The following HCN1 variants were observed in gnomAD, a reference collection of about 807,000 sequenced individuals.
HCN1 encodes hyperpolarization activated cyclic nucleotide gated potassium channel 1, also known as potassium/sodium hyperpolarization-activated cyclic nucleotide-gated channel 1.
A neutral mutation model predicts 78.9 loss-of-function variants in HCN1; 13 were observed. The observed-to-expected ratio is 0.16, with a 90% CI of 0.11 to 0.26. The LOEUF (loss-of-function observed/expected upper bound fraction) is 0.26. Ranked by LOEUF, HCN1 falls within the 10% of genes least tolerant of loss-of-function variation. The probability of loss-of-function intolerance (pLI) is 1.00; values close to 1 mark genes in which losing one functional copy is unlikely to be tolerated. For missense variants in HCN1, 810 were observed against 1,154.3 expected (o/e 0.70, Z 4.32); for synonymous variants, 552 against 455.5 (o/e 1.21, Z -2.70).
rs567759879 is a variant in HCN1 at position 45,666,608 on chromosome 5, T to G, written c.426-21000A>C. ...ATACATAAAATATTTTGTATTTTTG[T>G]ATGTATGTGGATAATTGTTTTTAAA... On this transcript the variant is annotated intron_variant, in intron 1 of 7. Coordinates refer to ENST00000303230, the MANE Select transcript of HCN1 (RefSeq NM_021072.4). Among the ~76,000 whole-genome samples, 6 of 152,194 alleles carry G rather than the reference T, an allele frequency of 3.9e-5. No individual in the cohort carries two copies. In the East Asian group the frequency reaches 1.2e-3, roughly 29 times the overall value.
intron 1 of HCN1, among the ~76,000 whole-genome samples, chr5:45,669,725 A>G: frequency 6.6e-6 from 1 of 151,794 alleles, no homozygotes; most frequent in East Asian, 1.9e-4. Context: ...TCATGCAAAG[A>G]TAGGTTAGCA....
chr5:45,415,930 T>C (rs535892580), intron 3 of HCN1, among the ~76,000 whole-genome samples: 4 of 152,170 alleles, frequency 2.6e-5, no homozygotes, highest in African/African-American at 7.2e-5. Flanking sequence ...TGTTTGATAA[T>C]GTACCTTAAG....
At chr5:45,490,075 G>T (rs1314958131) in intron 2 of HCN1, among the ~76,000 whole-genome samples, 1 of 152,202 alleles carries the variant, frequency 6.6e-6, no homozygotes, top group East Asian at 1.9e-4. Flanking sequence ...GCATCTTTAC[G>T]TATAGAAATT....
At chr5:45,588,557 G>A (rs936368977) in intron 2 of HCN1, among the ~76,000 whole-genome samples, 4 of 152,000 alleles carry the variant, frequency 2.6e-5, no homozygotes, top group Non-Finnish European at 4.4e-5. Context: ...TCTAAATGCC[G>A]ACACCCTACT....
At chr5:45,591,241 A>G (rs1744359115) in intron 2 of HCN1, among the ~76,000 whole-genome samples, 1 of 152,170 alleles carries the variant, frequency 6.6e-6, no homozygotes, top group Admixed American at 6.5e-5. Flanking sequence ...ATTTGTGTGC[A>G]GATTTTTGCA....
At chr5:45,333,513 G>T (rs909896803) in intron 5 of HCN1, among the ~76,000 whole-genome samples, 1 of 151,432 alleles carries the variant, frequency 6.6e-6, no homozygotes, top group Admixed American at 6.6e-5. Context: ...GTCCATTTTT[G>T]CTTTCGTTAC....
intron 1 of HCN1, among the ~76,000 whole-genome samples, chr5:45,679,585 G>A (rs556959268): frequency 4.6e-5 from 7 of 152,118 alleles, no homozygotes; most frequent in Non-Finnish European, 7.4e-5. Flanking sequence ...AGCGTATTTT[G>A]TGAACATTCT....
chr5:45,454,164 T>G (rs970413551), intron 3 of HCN1, among the ~76,000 whole-genome samples: 7 of 152,154 alleles, frequency 4.6e-5, no homozygotes, highest in Admixed American at 1.3e-4. Context: ...AAATACACAT[T>G]TTATCTGAAA....
intron 5 of HCN1, among the ~76,000 whole-genome samples, chr5:45,317,141 G>T (rs1159284325): frequency 6.6e-6 from 1 of 152,084 alleles, no homozygotes; most frequent in Non-Finnish European, 1.5e-5. Context: ...AAAGCTGGAG[G>T]CATCACGTTA....
chr5:45,668,917 C>G (rs965874664), intron 1 of HCN1, among the ~76,000 whole-genome samples: 1 of 151,744 alleles, frequency 6.6e-6, no homozygotes, highest in Non-Finnish European at 1.5e-5. Flanking sequence ...AAAGCAAATT[C>G]TTTGGTGTTG....
intron 2 of HCN1, chr5:45,575,500 C>T (rs960265333): frequency 2.6e-5 from 4 of 151,936 alleles, no homozygotes; most frequent in Admixed American, 2.6e-4. Context: ...GGGTGCAGCA[C>T]ACCAACATGG....
chr5:45,450,916 G>A (rs1330296789), intron 3 of HCN1, among the ~76,000 whole-genome samples: 3 of 152,100 alleles, frequency 2.0e-5, no homozygotes, highest in Non-Finnish European at 4.4e-5. Flanking sequence ...AAAACAGCCT[G>A]GAGGAGAAAA....
At chr5:45,483,192 T>C (rs1300740980) in intron 2 of HCN1, among the ~76,000 whole-genome samples, 1 of 152,314 alleles carries the variant, frequency 6.6e-6, no homozygotes, top group East Asian at 1.9e-4. Context: ...CAGATTGCTT[T>C]CCACAGTGGC....
At chr5:45,577,351 T>C (rs1302264921) in intron 2 of HCN1, among the ~76,000 whole-genome samples, 2 of 152,038 alleles carry the variant, frequency 1.3e-5, no homozygotes, top group Non-Finnish European at 2.9e-5. Context: ...GTGCTGGGTG[T>C]TGGTGGTAGG....
intron 2 of HCN1, among the ~76,000 whole-genome samples, chr5:45,486,668 T>G (rs1741769701): frequency 6.6e-6 from 1 of 152,070 alleles, no homozygotes; most frequent in African/African-American, 2.4e-5. Context: ...AATATAACAA[T>G]GTACTAACAA....
At chr5:45,609,012 A>T (rs1373420765) in intron 2 of HCN1, among the ~76,000 whole-genome samples, 1 of 152,112 alleles carries the variant, frequency 6.6e-6, no homozygotes, top group East Asian at 1.9e-4. Context: ...GGAAATGCAA[A>T]TTCAAACCAA....
chr5:45,547,960 C>T (rs1378816355), intron 2 of HCN1, among the ~76,000 whole-genome samples: 3 of 151,940 alleles, frequency 2.0e-5, no homozygotes, highest in East Asian at 3.9e-4. Flanking sequence ...GATGATTTTT[C>T]AAATCACTAT....
At chr5:45,618,869 T>C (rs1745006447) in intron 2 of HCN1, among the ~76,000 whole-genome samples, 1 of 151,956 alleles carries the variant, frequency 6.6e-6, no homozygotes, top group South Asian at 2.1e-4. Flanking sequence ...AGACGGGATA[T>C]AAAGAGTTCA....
At chr5:45,511,371 A>C (rs953643555) in intron 2 of HCN1, among the ~76,000 whole-genome samples, 1 of 152,076 alleles carries the variant, frequency 6.6e-6, no homozygotes, top group Admixed American at 6.6e-5. Flanking sequence ...TGTACGCTGC[A>C]TGTAGTGACT....
Sources: allele counts gnomAD v4.1 joint callset (sites outside exome capture counted in the v4.1 genomes callset), GRCh38; gene constraint gnomAD v4.1.1; transcripts MANE v1.5; gene names NCBI Gene and HGNC (gene_info 2026-07-23, HGNC 2026-07-21).